Variants in CCDC88C observed in about 807,000 individuals in gnomAD.
CCDC88C encodes the protein coiled-coil and HOOK domain protein 88C.
A neutral mutation model predicts 198.8 loss-of-function variants in CCDC88C; 131 were observed. That is an observed-to-expected ratio of 0.66 (90% CI 0.57 to 0.76). The LOEUF (loss-of-function observed/expected upper bound fraction) is 0.76, where lower values mean the gene tolerates loss of function less well. CCDC88C is among the 30% of genes least tolerant of loss of function. The pLI is 0.00. For synonymous variants in CCDC88C, 1,166 were observed against 1,114.7 expected (o/e 1.05, Z -0.92); for missense variants, 2,553 against 2,631.6 (o/e 0.97, Z 0.65).
chr14:91,345,190 ATTT>A (rs58941451), intron 4 of CCDC88C, among the ~76,000 whole-genome samples: 38 of 52,196 alleles, frequency 7.3e-4, no homozygotes, highest in East Asian at 1.7e-3. Flanking sequence ...ATATATATAT[ATTT>A]TTTTTTTTTT....
rs372838274 is a variant in CCDC88C, at chr14:91,276,031, A to G, written c.5058+1891T>C. Among the ~76,000 whole-genome samples the G allele has an allele frequency of 2.3e-3, 350 of 151,734 alleles. 2 individuals carry two copies. The highest frequency in any genetic ancestry group is 8.2e-3 in the African/African-American group (340 of 41,340). The stretch of plus-strand genomic sequence containing the variant: ...GAGACGGGGTTTCACCGTGTTAGCC[A>G]GGATGGTCTCGATCTCCTGACCTCG... On this transcript the variant is annotated intron_variant, in intron 29 of 29. Coordinates refer to ENST00000389857, the MANE Select transcript of CCDC88C (RefSeq NM_001080414.4).
intron 3 of CCDC88C, among the ~76,000 whole-genome samples, chr14:91,380,612 C>A (rs998068993): frequency 5.9e-5 from 9 of 152,146 alleles, no homozygotes; most frequent in African/African-American, 2.2e-4. Context: ...TCATGTCATT[C>A]CACTTCTCCA....
intron 3 of CCDC88C, among the ~76,000 whole-genome samples, chr14:91,369,380 T>C (rs1464364452): frequency 1.3e-5 from 2 of 152,156 alleles, no homozygotes; most frequent in African/African-American, 2.4e-5. Context: ...CTAATTTTCG[T>C]ATTTTTGTAA....
chr14:91,389,803 T>G (rs1596147804), intron 3 of CCDC88C, among the ~76,000 whole-genome samples: 1 of 150,718 alleles, frequency 6.6e-6, no homozygotes, highest in East Asian at 1.9e-4. Context: ...CCAGGCGCGG[T>G]GGCTCACGCC....
At position 91,315,804 on chromosome 14, in the gene CCDC88C, C is replaced by T. The variant is rs749836840; in HGVS notation, c.1528-17G>A. On this transcript the variant is annotated splice_polypyrimidine_tract_variant and intron_variant, in intron 13 of 29. Coordinates refer to ENST00000389857, the MANE Select transcript of CCDC88C (RefSeq NM_001080414.4). The stretch of plus-strand genomic sequence containing the variant: ...CTTTTCAATCTGCAGAACCAAAAGA[C>T]CCAGCCCAGTGCAGACATCAGTCCT... 6.2e-7 allele frequency: 1 copy of T among 1,608,042 alleles called. No homozygotes were observed. Among genetic ancestry groups the T allele is most frequent in the South Asian group, 1.1e-5 (1 of 89,996 alleles).
At chr14:91,388,105 C>T (rs2139970374) in intron 3 of CCDC88C, among the ~76,000 whole-genome samples, 1 of 152,324 alleles carries the variant, frequency 6.6e-6, no homozygotes, top group South Asian at 2.1e-4. Context: ...TCAGGACTTG[C>T]TCTGAAACCA....
chr14:91,388,472 A>G (rs1174777271), intron 3 of CCDC88C, among the ~76,000 whole-genome samples: 1 of 152,162 alleles, frequency 6.6e-6, no homozygotes, highest in Non-Finnish European at 1.5e-5. Context: ...CTGTTCTGGA[A>G]ACGTCCAGGG....
At chr14:91,332,427 A>C (rs1892876137) in intron 10 of CCDC88C, among the ~76,000 whole-genome samples, 1 of 152,222 alleles carries the variant, frequency 6.6e-6, no homozygotes, top group Non-Finnish European at 1.5e-5. Flanking sequence ...CTAGGAGCAA[A>C]AATAGCTGCC....
At chr14:91,306,004 C>T (rs1442678016) in intron 18 of CCDC88C, 78 bp from the exon 19 acceptor site, 10 of 1,474,968 alleles carry the variant, frequency 6.8e-6, no homozygotes, top group South Asian at 3.6e-5. Context: ...TGGGTTGTAA[C>T]GAACCCTCAA....
At chr14:91,320,155 G>C (rs1013368561) in intron 13 of CCDC88C, among the ~76,000 whole-genome samples, 3 of 152,120 alleles carry the variant, frequency 2.0e-5, no homozygotes, top group Admixed American at 6.5e-5. Flanking sequence ...AGATGAATGA[G>C]GACTGGGGGC....
Position 91,317,787 on chromosome 14 carries a change from G to A in CCDC88C, c.1528-2000C>T, listed in dbSNP as rs535827855. Among the ~76,000 whole-genome samples, 372 of 152,312 alleles carry A rather than the reference G, an allele frequency of 2.4e-3. 2 individuals are homozygous for A. The highest frequency in any genetic ancestry group is 8.6e-3 in the African/African-American group (359 of 41,556). On this transcript the variant is annotated intron_variant, in intron 13 of 29. Coordinates refer to ENST00000389857, the MANE Select transcript of CCDC88C (RefSeq NM_001080414.4). ...GGCCACGGCAGGAGAGGCTGGCGTCGGGCCAGGGAGGAAGTGGGTAGGGCC... is the reference window on the plus strand; with the variant it reads ...GGCCACGGCAGGAGAGGCTGGCGTCAGGCCAGGGAGGAAGTGGGTAGGGCC...
intron 3 of CCDC88C, among the ~76,000 whole-genome samples, chr14:91,407,411 A>G (rs1341165523): frequency 6.6e-6 from 1 of 152,166 alleles, no homozygotes; most frequent in Non-Finnish European, 1.5e-5. Flanking sequence ...ACCAAGACTA[A>G]GTTACAGCCC....
rs1893202269 is a variant in CCDC88C at position 91,339,319 on chromosome 14, C to T, written c.768G>A (p.Leu256=). 6.2e-7 allele frequency: 1 copy of T among 1,613,528 alleles called. No homozygotes were observed. The highest frequency in any genetic ancestry group is 1.3e-5 in the African/African-American group (1 of 75,032). ...SEDKQHLAVE[L]ADTKARLRRV... is the part of the protein sequence containing the mutation. ...GCCGCAGCCTGGCCTTGGTGTCGGC[C>T]AGCTCTACGGCCAGGTGCTGCTTGT... The change falls in exon 8 of 30, where the codon CTG becomes CTA. Residue 256 remains leucine, a synonymous_variant. Coordinates refer to ENST00000389857, the MANE Select transcript of CCDC88C (RefSeq NM_001080414.4). The surrounding 1 kb of genome is among the most constrained non-coding windows in gnomAD (Gnocchi z 5.8).
chr14:91,378,021 G>A (rs1392974830), intron 3 of CCDC88C, among the ~76,000 whole-genome samples: 1 of 152,198 alleles, frequency 6.6e-6, no homozygotes, highest in African/African-American at 2.4e-5. Context: ...GAGTGGTACA[G>A]AATTGGGCAG....
intron 20 of CCDC88C, among the ~76,000 whole-genome samples, chr14:91,303,357 C>T (rs185826826): frequency 0.013 from 2,037 of 151,148 alleles, 24 homozygotes; most frequent in Non-Finnish European, 0.019. Context: ...TCTCACGAGG[C>T]CCCCGCCTCT....
chr14:91,375,453 T>A (rs751698621), intron 3 of CCDC88C, among the ~76,000 whole-genome samples: 1 of 151,832 alleles, frequency 6.6e-6, no homozygotes, highest in Non-Finnish European at 1.5e-5. Flanking sequence ...TTCCTTTAAG[T>A]AGGGAAGCTT....
At chr14:91,417,389 C>T (rs564612522) in intron 1 of CCDC88C, 18 of 576,734 alleles carry the variant, frequency 3.1e-5, no homozygotes, top group African/African-American at 3.0e-4. Context: ...CCGCCCGGCT[C>T]CTGGCCCGGC....
At chr14:91,297,089 G>A (rs984831935) in intron 22 of CCDC88C, among the ~76,000 whole-genome samples, 2 of 152,196 alleles carry the variant, frequency 1.3e-5, no homozygotes, top group South Asian at 2.1e-4. Flanking sequence ...AAAAGGTGAC[G>A]GTCAGACAGG....
At chr14:91,296,092 T>C (rs983728831) in intron 22 of CCDC88C, among the ~76,000 whole-genome samples, 1 of 152,164 alleles carries the variant, frequency 6.6e-6, no homozygotes, top group South Asian at 2.1e-4. Flanking sequence ...CCACCCGGCT[T>C]GAGGTCTTTT....
Sources: allele counts gnomAD v4.1 joint callset (sites outside exome capture counted in the v4.1 genomes callset), GRCh38; gene constraint gnomAD v4.1.1; non-coding constraint Gnocchi (gnomAD v3.1); transcripts MANE v1.5; gene names NCBI Gene and HGNC (gene_info 2026-07-23, HGNC 2026-07-21).